CALN1: variants seen among roughly 807,000 people sequenced by gnomAD.
CALN1 encodes calneuron 1.
A neutral mutation model predicts 30.6 loss-of-function variants in CALN1; 17 were observed. That is an observed-to-expected ratio of 0.56 (90% CI 0.38 to 0.83). The LOEUF (loss-of-function observed/expected upper bound fraction) is 0.83, where lower values mean the gene tolerates loss of function less well. Among genes scored for constraint, CALN1 ranks in the 40% least tolerant of loss-of-function variants. The pLI, the probability that CALN1 is intolerant of heterozygous loss-of-function variation, is 0.00. For missense variants in CALN1, 291 were observed against 354.9 expected, an observed-to-expected ratio of 0.82 and a Z score of 1.45; for synonymous variants, 156 against 131.4, an observed-to-expected ratio of 1.19 and a Z score of -1.28.
chr7:71,894,904 T>C (rs977993734), intron 5 of CALN1, among the ~76,000 whole-genome samples: 1 of 152,202 alleles, frequency 6.6e-6, no homozygotes, highest in Non-Finnish European at 1.5e-5. Context: ...TGACTGGTTA[T>C]TGATAAGAAA....
intron 5 of CALN1, among the ~76,000 whole-genome samples, chr7:71,979,517 G>T (rs1798279938): frequency 6.6e-6 from 1 of 152,124 alleles, no homozygotes; most frequent in Admixed American, 6.6e-5. Context: ...CGCTGCCGCT[G>T]ATCTGGCAGG....
At chr7:72,316,247 C>T (rs1227701797) in intron 2 of CALN1, among the ~76,000 whole-genome samples, 1 of 151,882 alleles carries the variant, frequency 6.6e-6, no homozygotes, top group Non-Finnish European at 1.5e-5. Context: ...ACGTGGCACA[C>T]CCATTTGTGG....
chr7:71,902,839 G>T (rs6959613), intron 5 of CALN1, among the ~76,000 whole-genome samples: 47,204 of 151,730 alleles, frequency 0.31, 8,397 homozygotes, highest in East Asian at 0.52. Context: ...ACAGCCATAT[G>T]GGTGGAACTG....
At chr7:72,377,980 T>C (rs1041024926) in intron 2 of CALN1, among the ~76,000 whole-genome samples, 6 of 149,598 alleles carry the variant, frequency 4.0e-5, no homozygotes. Flanking sequence ...CCTGCCCCCA[T>C]TTCCCCCAAA....
intron 5 of CALN1, among the ~76,000 whole-genome samples, chr7:71,815,238 G>T (rs955465184): frequency 5.3e-5 from 8 of 152,138 alleles, no homozygotes; most frequent in Non-Finnish European, 1.0e-4. Flanking sequence ...ATTTTTGACT[G>T]CACGTGGGTC....
At chr7:72,006,457 A>G (rs1335855604) in intron 5 of CALN1, among the ~76,000 whole-genome samples, 2 of 152,214 alleles carry the variant, frequency 1.3e-5, no homozygotes, top group East Asian at 1.9e-4. Context: ...AGCAACAGTT[A>G]TAACAGGATT....
intron 2 of CALN1, among the ~76,000 whole-genome samples, chr7:72,317,091 A>AAAGAAAGAGAGG (rs1554367071): frequency 7.4e-5 from 9 of 122,384 alleles, no homozygotes; most frequent in South Asian, 7.2e-4. Context: ...AGAGAGAGAG[A>AAAGAAAGAGAGG]GAGGGAGGGA....
At chr7:72,205,567 T>TAC (rs1562733737) in intron 3 of CALN1, among the ~76,000 whole-genome samples, 1 of 118,204 alleles carries the variant, frequency 8.5e-6, no homozygotes, top group African/African-American at 3.6e-5. Context: ...TATATATATA[T>TAC]GTATATATAT....
At chr7:71,910,823 A>G (rs1052726808) in intron 5 of CALN1, among the ~76,000 whole-genome samples, 1 of 152,090 alleles carries the variant, frequency 6.6e-6, no homozygotes, top group African/African-American at 2.4e-5. Flanking sequence ...CCTGGGCACT[A>G]CCAATACCCT....
chr7:72,263,673 C>T (rs1796424202), intron 3 of CALN1, among the ~76,000 whole-genome samples: 1 of 152,174 alleles, frequency 6.6e-6, no homozygotes, highest in Non-Finnish European at 1.5e-5. Context: ...TCCTCCGCCT[C>T]CCACAGTGTT....
chr7:72,435,877 A>G (rs2129564199), intron 1 of CALN1, among the ~76,000 whole-genome samples: 1 of 152,316 alleles, frequency 6.6e-6, no homozygotes, highest in South Asian at 2.1e-4. Context: ...TTCACTTGAC[A>G]TATGCTCTGA....
At chr7:72,354,936 G>T (rs936116219) in intron 2 of CALN1, among the ~76,000 whole-genome samples, 1 of 150,400 alleles carries the variant, frequency 6.6e-6, no homozygotes, top group African/African-American at 2.5e-5. Context: ...TTGAGACAGG[G>T]TCTCGCTTTG....
rs1285325655 is a variant in CALN1, at chr7:71,787,583, T to C, written c.*192A>G. ...TAAAGCACTGAAGACAGCCCTTTAG[T>C]GTCCCTGCCAAGGAGATGAAGCTGA... is the stretch of plus-strand genomic sequence containing the variant. On this transcript the variant is annotated 3_prime_UTR_variant, in exon 7 of 7. Transcript: ENST00000395275. 3.2e-6 allele frequency: 2 copies of C among 625,488 alleles called. No homozygotes were observed. The highest frequency in any genetic ancestry group is 5.2e-6 in the Non-Finnish European group (2 of 382,874). 38.7% of individuals were successfully genotyped at this position (625,488 alleles called of 1,614,324 possible). A position where few individuals can be genotyped will look rare whatever the true frequency, so the allele number is the denominator to read the frequency against.
At chr7:72,021,955 G>T (rs1800733705) in intron 5 of CALN1, among the ~76,000 whole-genome samples, 1 of 152,218 alleles carries the variant, frequency 6.6e-6, no homozygotes, top group Middle Eastern at 3.4e-3. Flanking sequence ...TCTGGAATCA[G>T]CCTCACCTCT....
At chr7:71,790,347 A>AAAAG (rs1274306297) in intron 6 of CALN1, among the ~76,000 whole-genome samples, 91 of 115,630 alleles carry the variant, frequency 7.9e-4, no homozygotes, top group African/African-American at 3.2e-3. Context: ...AGAAAGAAAG[A>AAAAG]AAAGAAAGAA....
the CALN1 span, among the ~76,000 whole-genome samples, chr7:72,455,113 G>T: frequency 3.0e-4 from 45 of 152,180 alleles, no homozygotes; most frequent in African/African-American, 1.0e-3. Flanking sequence ...TTATAGGTGT[G>T]AGCCACCGCG....
At chr7:72,206,545 TTATC>T (rs536079942) in intron 3 of CALN1, among the ~76,000 whole-genome samples, 87 of 152,340 alleles carry the variant, frequency 5.7e-4, no homozygotes, top group Non-Finnish European at 8.7e-4. Flanking sequence ...TCCTACAAGC[TTATC>T]TTTTTTTGTA....
chr7:72,415,482 T>C (rs1437613046), upstream of CALN1, among the ~76,000 whole-genome samples: 1 of 152,212 alleles, frequency 6.6e-6, no homozygotes, highest in Non-Finnish European at 1.5e-5. Context: ...GATGTCATGA[T>C]TTAAAGAGGA....
chr7:72,342,341 C>T (rs1802423314), intron 2 of CALN1, among the ~76,000 whole-genome samples: 1 of 151,956 alleles, frequency 6.6e-6, no homozygotes, highest in Non-Finnish European at 1.5e-5. Flanking sequence ...TCTTCCCCAG[C>T]TATGACCATT....
Sources: gnomAD v4.1 joint callset for allele counts (sites outside exome capture counted in the v4.1 genomes callset) on GRCh38, gnomAD v4.1.1 for gene constraint, MANE v1.5 for transcripts, NCBI Gene and HGNC (gene_info 2026-07-23, HGNC 2026-07-21) for gene names.